Variants in GATA4 observed in about 807,000 individuals in gnomAD.
GATA4 encodes GATA binding protein 4.
GATA4 carries 7 observed loss-of-function variants against 37.9 expected under a neutral mutation model. The observed-to-expected ratio is 0.18, with a 90% CI of 0.11 to 0.35. GATA4 has a LOEUF of 0.35. Ranked by LOEUF, GATA4 falls within the 10% of genes least tolerant of loss-of-function variation. The pLI, the probability that GATA4 is intolerant of heterozygous loss-of-function variation, is 1.00. For missense variants in GATA4, 647 were observed against 653.0 expected (o/e 0.99, Z 0.10); for synonymous variants, 372 against 292.6 (o/e 1.27, Z -2.77).
chr8:11,678,735 TA>T (rs1435058664), intron 1 of GATA4, among the ~76,000 whole-genome samples: 2 of 152,240 alleles, frequency 1.3e-5, no homozygotes, highest in African/African-American at 2.4e-5. Context: ...CGGTCTACAG[TA>T]AAGGATACTT....
At chr8:11,693,925 A>G (rs112136317) in intron 1 of GATA4, among the ~76,000 whole-genome samples, 2 of 151,828 alleles carry the variant, frequency 1.3e-5, no homozygotes, top group African/African-American at 2.4e-5. Context: ...GTCTGTGTGC[A>G]TGTGTGTGCA....
intron 2 of GATA4, among the ~76,000 whole-genome samples, chr8:11,738,174 C>CTT (rs1384567535): frequency 7.6e-6 from 1 of 130,932 alleles, no homozygotes; most frequent in Non-Finnish European, 1.5e-5. Flanking sequence ...GAGCAAGACT[C>CTT]TGTCTCAAAA....
At chr8:11,746,903 G>C (rs1458999826) in intron 2 of GATA4, among the ~76,000 whole-genome samples, 1 of 152,238 alleles carries the variant, frequency 6.6e-6, no homozygotes, top group Non-Finnish European at 1.5e-5. Flanking sequence ...ACTTGGTGTG[G>C]ACACACAGCT....
chr8:11,691,933 A>T (rs1336179678), upstream of GATA4: 10 of 872,346 alleles, frequency 1.1e-5, no homozygotes, highest in Non-Finnish European at 1.4e-5. Flanking sequence ...AAAAATCAAA[A>T]ACCACTTCAG....
At chr8:11,740,425 G>A (rs1446391511) in intron 2 of GATA4, among the ~76,000 whole-genome samples, 2 of 152,200 alleles carry the variant, frequency 1.3e-5, no homozygotes, top group Non-Finnish European at 2.9e-5. Context: ...ATATTAATCC[G>A]GGGAGGCGGA....
At chr8:11,689,587 G>A (rs1799247361), upstream of GATA4, among the ~76,000 whole-genome samples, 1 of 152,198 alleles carries the variant, frequency 6.6e-6, no homozygotes, top group South Asian at 2.1e-4. Context: ...TGTGCCTGGT[G>A]CCCATTTTGG....
chr8:11,758,702 C>G lies in GATA4; in HGVS notation c.*227C>G. On this transcript the variant is annotated 3_prime_UTR_variant, in exon 7 of 7. Transcript: ENST00000532059. ...ACTGGAGGGAGCCCACCCTTCAGCA[C>G]GAGCACACTGCATCTCTCCTGTGAG... 2 of 587,810 alleles carry G rather than the reference C, an allele frequency of 3.4e-6. No homozygotes were observed. The highest frequency in any genetic ancestry group is 4.6e-4 in the Middle Eastern group (1 of 2,180). 36.4% of individuals were successfully genotyped at this position (587,810 alleles called of 1,614,324 possible).
chr8:11,679,241 G>C (rs1409629573), intron 1 of GATA4, among the ~76,000 whole-genome samples: 5 of 151,708 alleles, frequency 3.3e-5, no homozygotes, highest in Non-Finnish European at 7.4e-5. Context: ...AATGTCAGTG[G>C]CCCTGAAGGC....
Position 11,734,648 on chromosome 8 carries a change from G to A in GATA4, c.617-14268G>A, listed in dbSNP as rs528349351. ...ATTACAGGCATGCACCACCATGCTCGGCTAATTTTTGTATCTTTAGTAGAG... is the reference window on the plus strand; with the variant it reads ...ATTACAGGCATGCACCACCATGCTCAGCTAATTTTTGTATCTTTAGTAGAG... On this transcript the variant is annotated intron_variant, in intron 2 of 6. Transcript: ENST00000532059. Among the ~76,000 whole-genome samples, 10 of 152,232 alleles carry A rather than the reference G, an allele frequency of 6.6e-5. No individual in the cohort carries two copies. The South Asian group carries it at 1.5e-3, about 22-fold the overall frequency.
chr8:11,681,226 G>T (rs1798960701), intron 1 of GATA4: 2 of 985,362 alleles, frequency 2.0e-6, no homozygotes, highest in African/African-American at 3.5e-5. Context: ...GAGATTTCTC[G>T]ACGTTTGGGG....
chr8:11,736,957 C>G (rs548959663), intron 2 of GATA4, among the ~76,000 whole-genome samples: 2 of 152,060 alleles, frequency 1.3e-5, no homozygotes, highest in Non-Finnish European at 1.5e-5. Flanking sequence ...GGTCTTCATT[C>G]TTATTTTTTG....
chr8:11,683,221 GC>G, intron 1 of GATA4: 2 of 790,902 alleles, frequency 2.5e-6, no homozygotes, highest in African/African-American at 3.7e-5. Flanking sequence ...TTTATCCGGA[GC>G]GGGGGAGGAC....
chr8:11,748,535 G>T (rs967642602), intron 2 of GATA4, among the ~76,000 whole-genome samples: 7 of 152,162 alleles, frequency 4.6e-5, no homozygotes, highest in Non-Finnish European at 8.8e-5. Flanking sequence ...TATGCAAAAG[G>T]AAAAGTAATC....
At chr8:11,705,044 C>A (rs560062276) in intron 1 of GATA4, among the ~76,000 whole-genome samples, 1 of 152,234 alleles carries the variant, frequency 6.6e-6, no homozygotes, top group African/African-American at 2.4e-5. Context: ...TGGCTTTGGG[C>A]TCAGGGGTCA....
At chr8:11,692,036 C>T (rs1320837453), upstream of GATA4, 7 of 985,296 alleles carry the variant, frequency 7.1e-6, no homozygotes, top group Non-Finnish European at 8.4e-6. Flanking sequence ...TCATGATCCT[C>T]ACCTTAGTGT....
intron 2 of GATA4, among the ~76,000 whole-genome samples, chr8:11,725,588 C>G (rs1161994098): frequency 2.0e-5 from 3 of 152,208 alleles, no homozygotes; most frequent in Non-Finnish European, 4.4e-5. Flanking sequence ...ACTGCGCAGG[C>G]TGGGGTGAGT....
At chr8:11,739,934 G>A (rs1352956841) in intron 2 of GATA4, among the ~76,000 whole-genome samples, 1 of 152,196 alleles carries the variant, frequency 6.6e-6, no homozygotes, top group African/African-American at 2.4e-5. Context: ...CTTGCTCCTG[G>A]ACCCTCGCAG....
intron 1 of GATA4, chr8:11,681,281 C>T: frequency 6.1e-6 from 6 of 985,424 alleles, no homozygotes; most frequent in Non-Finnish European, 7.2e-6. Flanking sequence ...GGCCTCCGCA[C>T]GCTGAGGTTC....
At position 11,709,547 on chromosome 8, in the gene GATA4, C is replaced by A. The variant is rs556111264; in HGVS notation, c.616+619C>A. Among the ~76,000 whole-genome samples the A allele has an allele frequency of 8.1e-6, 1 of 123,366 alleles. No homozygotes were observed. 80.9% of individuals were successfully genotyped at this position (123,366 alleles called of 152,430 possible). A position where few individuals can be genotyped will look rare whatever the true frequency, so the allele number is the denominator to read the frequency against. ...CGGCACTGTGCGGGTGCCACCCGGCCGAGCGCGTGGGCGCATCATGCGGGC... is the reference window on the plus strand; with the variant it reads ...CGGCACTGTGCGGGTGCCACCCGGCAGAGCGCGTGGGCGCATCATGCGGGC... On this transcript the variant is annotated intron_variant, in intron 2 of 6. Transcript: ENST00000532059. This position sits in a 1 kb window ranked among gnomAD's most constrained non-coding sequence, Gnocchi z 4.3.
Sources: allele counts gnomAD v4.1 joint callset (sites outside exome capture counted in the v4.1 genomes callset), GRCh38; gene constraint gnomAD v4.1.1; non-coding constraint Gnocchi (gnomAD v3.1); transcripts MANE v1.5; gene names NCBI Gene and HGNC (gene_info 2026-07-23, HGNC 2026-07-21).